The following DOCK7 variants were observed in gnomAD, a reference collection of about 807,000 sequenced individuals.
DOCK7 encodes dedicator of cytokinesis protein 7.
A neutral mutation model predicts 271.0 loss-of-function variants in DOCK7; 138 were observed. That is an observed-to-expected ratio of 0.51 (90% CI 0.44 to 0.59). The LOEUF (loss-of-function observed/expected upper bound fraction) is 0.59. Ranked by LOEUF, DOCK7 falls within the 20% of genes least tolerant of loss-of-function variation. DOCK7 has a pLI of 0.00. For missense variants in DOCK7, 2,066 were observed against 2,592.4 expected, an observed-to-expected ratio of 0.80 and a Z score of 4.41; for synonymous variants, 823 against 876.1, an observed-to-expected ratio of 0.94 and a Z score of 1.07.
intron 16 of DOCK7, among the ~76,000 whole-genome samples, chr1:62,579,999 G>A (rs796706514): frequency 1.2e-4 from 18 of 152,048 alleles, no homozygotes; most frequent in African/African-American, 3.9e-4. Context: ...AGAAAAGCAC[G>A]GCTGCTATTC....
chr1:62,631,424 T>C lies in DOCK7; in HGVS notation c.1117-19A>G, dbSNP rs765097293. On this transcript the variant is annotated intron_variant, in intron 10 of 49. Transcript: ENST00000635253. The stretch of plus-strand genomic sequence containing the variant: ...CTTTATTCTGCAAAACAGAACTTTA[T>C]ACATTATATGATTATACTTGAAAGA... The C allele has an allele frequency of 1.9e-6, 3 of 1,572,964 alleles. No homozygotes were observed. The highest frequency in any genetic ancestry group is 2.6e-6 in the Non-Finnish European group (3 of 1,161,662).
chr1:62,554,436 C>T (rs1318701681), intron 21 of DOCK7, among the ~76,000 whole-genome samples: 2 of 133,684 alleles, frequency 1.5e-5, no homozygotes, highest in Non-Finnish European at 3.0e-5. Flanking sequence ...TGCGCCATTG[C>T]ACTCCAGCCT....
chr1:62,562,898 T>C (rs974177109), intron 18 of DOCK7, among the ~76,000 whole-genome samples: 8 of 151,932 alleles, frequency 5.3e-5, no homozygotes, highest in African/African-American at 1.9e-4. Context: ...GGCCCCACTC[T>C]CGCCTCCCTA....
At chr1:62,500,823 A>C (rs1646761068) in intron 37 of DOCK7, among the ~76,000 whole-genome samples, 1 of 152,126 alleles carries the variant, frequency 6.6e-6, no homozygotes. Flanking sequence ...TAAGGCAAAG[A>C]TTTCATAACC....
At chr1:62,546,597 G>T (rs114546642) in intron 22 of DOCK7, among the ~76,000 whole-genome samples, 2,625 of 152,108 alleles carry the variant, frequency 0.017, 76 homozygotes, top group African/African-American at 0.06. Context: ...AATAATGGAA[G>T]TAAATTACTA....
intron 41 of DOCK7, among the ~76,000 whole-genome samples, chr1:62,489,309 C>A (rs552316071): frequency 6.6e-6 from 1 of 151,924 alleles, no homozygotes; most frequent in Admixed American, 6.6e-5. Flanking sequence ...ATTGGCCGGG[C>A]GTGGTGGCGG....
At chr1:62,639,769 T>C (rs1429078835) in intron 7 of DOCK7, among the ~76,000 whole-genome samples, 1 of 152,170 alleles carries the variant, frequency 6.6e-6, no homozygotes, top group Non-Finnish European at 1.5e-5. Context: ...TAAAGATCCA[T>C]ATTATTACTA....
At chr1:62,499,882 A>C (rs147119593) in intron 37 of DOCK7, among the ~76,000 whole-genome samples, 1,719 of 152,126 alleles carry the variant, frequency 0.011, 42 homozygotes, top group African/African-American at 0.039. Context: ...CCTGTCTCTA[A>C]AAAATAAATA....
chr1:62,466,002 G>A (rs1303828032), intron 48 of DOCK7, among the ~76,000 whole-genome samples: 1 of 152,194 alleles, frequency 6.6e-6, no homozygotes, highest in Non-Finnish European at 1.5e-5. Context: ...AAAGCTGGAT[G>A]ATTTAATGCC....
chr1:62,548,520 A>C (rs1306118772), intron 22 of DOCK7, among the ~76,000 whole-genome samples: 1 of 151,174 alleles, frequency 6.6e-6, no homozygotes, highest in African/African-American at 2.4e-5. Flanking sequence ...TCCTGGGTTC[A>C]AGTGATTCTC....
intron 49 of DOCK7, 23 bp from the exon 50 acceptor site, chr1:62,455,479 T>C (rs749681010): frequency 1.1e-5 from 17 of 1,608,978 alleles, no homozygotes; most frequent in African/African-American, 8.2e-5. Context: ...TGAGAGGACA[T>C]AGTTAGTTAA....
At chr1:62,501,053 G>C (rs1308123878) in intron 37 of DOCK7, among the ~76,000 whole-genome samples, 1 of 151,856 alleles carries the variant, frequency 6.6e-6, no homozygotes. Flanking sequence ...TAAAAGGGGG[G>C]GTGAGTGGGG....
chr1:62,494,293 C>T lies in DOCK7; in HGVS notation c.5199G>A (p.Val1733=). ...TTCCTACCTGAAATGTTACACATCC[C>T]ACAGGAAGATATTTCCGGTCCTCCA... The part of the protein sequence containing the change: ...SMLEDRKYLP[V]GCVTFQNISS... The change falls in exon 40 of 50, where the codon GTG becomes GTA. Residue 1733 remains valine (V), a synonymous_variant. Transcript: ENST00000635253. 6.3e-7 allele frequency: 1 copy of T among 1,593,462 alleles called. No individual in the cohort carries two copies. Among genetic ancestry groups the T allele is most frequent in the South Asian group, 1.1e-5 (1 of 89,060 alleles).
In DOCK7 at chr1:62,586,584, T is replaced by G; in HGVS notation, c.1723A>C (p.Asn575His). The G allele has an allele frequency of 4.3e-6, 7 of 1,613,016 alleles. No individual in the cohort carries two copies. Among genetic ancestry groups the G allele is most frequent in the Non-Finnish European group, 5.9e-6 (7 of 1,179,284 alleles). The change falls in exon 15 of 50, where the codon AAT becomes CAT. Residue 575 changes from asparagine to histidine, a missense_variant. This residue lies in a region of DOCK7 where 1,414 missense variants were observed against 1,670.4 expected (regional missense o/e 0.85). Coordinates refer to ENST00000635253, the MANE Select transcript of DOCK7 (RefSeq NM_001367561.1). Reference sequence around the variant, plus strand: ...ATATTTCTAGCAGAACCTTGACGATTGGCAAAATTAAGACTCTGAGGGTAT... The same window carrying G: ...ATATTTCTAGCAGAACCTTGACGATGGGCAAAATTAAGACTCTGAGGGTAT... ...YIYPQSLNFA[N>H]RQGSARNITV...
At chr1:62,681,050 A>C (rs1288177740) in intron 1 of DOCK7, among the ~76,000 whole-genome samples, 1 of 152,224 alleles carries the variant, frequency 6.6e-6, no homozygotes, top group Non-Finnish European at 1.5e-5. Flanking sequence ...TACCCAAAGG[A>C]TTATAAATCA....
chr1:62,569,715 C>CCG (rs1177034418), intron 18 of DOCK7, among the ~76,000 whole-genome samples: 16 of 127,352 alleles, frequency 1.3e-4, no homozygotes, highest in African/African-American at 4.4e-4. Flanking sequence ...TCCCCCCTCC[C>CCG]CCCCCCCTTT....
Position 62,538,076 on chromosome 1 carries a change from A to G in DOCK7, c.3301-15T>C, listed in dbSNP as rs779181937. ...TTTGAAGACACCTTGTAAGCAATGC[A>G]TAAGTAAGAGAACACCAATTGAATC... On this transcript the variant is annotated splice_polypyrimidine_tract_variant and intron_variant, in intron 27 of 49. Transcript: ENST00000635253. 24 of 1,607,790 alleles carry G rather than the reference A, an allele frequency of 1.5e-5. No homozygotes were observed. Among genetic ancestry groups the G allele is most frequent in the Middle Eastern group, 3.3e-4 (2 of 6,044 alleles).
chr1:62,477,776 C>T lies in DOCK7; in HGVS notation c.5558G>A (p.Gly1853Glu), dbSNP rs371887075. 4.3e-6 allele frequency: 7 copies of T among 1,611,570 alleles called. No individual in the cohort carries two copies. The highest frequency in any genetic ancestry group is 5.9e-6 in the Non-Finnish European group (7 of 1,179,352). Residue 1853 changes from glycine (G) to glutamate (E), a missense_variant, in exon 44 of 50, where the codon GGG becomes GAG. By Grantham distance (98) the Gly-to-Glu change is moderately conservative. Coordinates refer to ENST00000635253, the MANE Select transcript of DOCK7 (RefSeq NM_001367561.1). ...AACAAATTCTTGTTCATCCAAATCCCCGAACTTGGTTCCATAAAAACCAAC... is the reference window on the plus strand; with the variant it reads ...AACAAATTCTTGTTCATCCAAATCCTCGAACTTGGTTCCATAAAAACCAAC... ...FRVGFYGTKF[G>E]DLDEQEFVYK...
Position 62,633,579 on chromosome 1 carries a change from C to CT in DOCK7, c.1036-2dup. The CT allele has an allele frequency of 6.2e-7, 1 of 1,609,388 alleles. No homozygotes were observed. Among genetic ancestry groups the CT allele is most frequent in the Non-Finnish European group, 8.5e-7 (1 of 1,177,410 alleles). On this transcript the variant is annotated splice_acceptor_variant, in intron 9 of 49. Transcript: ENST00000635253. LOFTEE classifies it high-confidence loss of function. ...CTCCTTGCTGTAGGACTTTTTCTAG[C>CT]TGTCAAAGGCAAAAAAAGTTAAGAT...
Sources: gnomAD v4.1 joint callset for allele counts (sites outside exome capture counted in the v4.1 genomes callset) on GRCh38, gnomAD v4.1.1 for gene constraint, gnomAD v4.1.1 regional missense constraint, MANE v1.5 for transcripts, NCBI Gene and HGNC (gene_info 2026-07-23, HGNC 2026-07-21) for gene names.